MAN2A1: variants seen among roughly 807,000 people sequenced by gnomAD.
MAN2A1 encodes the protein alpha-mannosidase 2.
A neutral mutation model predicts 142.6 loss-of-function variants in MAN2A1; 76 were observed. The ratio of observed to expected loss-of-function variants is 0.53; its 90% CI spans 0.44 to 0.65. The LOEUF (loss-of-function observed/expected upper bound fraction) is 0.65. Among genes scored for constraint, MAN2A1 ranks in the 30% least tolerant of loss-of-function variants. The pLI, the probability that MAN2A1 is intolerant of heterozygous loss-of-function variation, is 0.00. For missense variants in MAN2A1, 1,311 were observed against 1,365.1 expected (o/e 0.96, Z 0.62); for synonymous variants, 559 against 473.2 (o/e 1.18, Z -2.35).
Position 109,820,378 on chromosome 5 carries a change from C to T in MAN2A1, c.2451+36C>T, listed in dbSNP as rs1409898029. On this transcript the variant is annotated intron_variant, in intron 15 of 21. Coordinates refer to ENST00000261483, the MANE Select transcript of MAN2A1 (RefSeq NM_002372.4). The stretch of plus-strand genomic sequence containing the variant: ...CTGATGAGATGACAAATGGAATAAA[C>T]ACTTATTGAAAGAGTATTGAGGAAA... 3.2e-6 allele frequency: 5 copies of T among 1,572,068 alleles called. No homozygotes were observed. The African/African-American group carries it at 5.5e-5, about 17-fold the overall frequency.
chr5:109,755,345 C>G lies in MAN2A1; in HGVS notation c.724C>G (p.Gln242Glu). The G allele has an allele frequency of 3.1e-6, 5 of 1,612,012 alleles. No individual in the cohort carries two copies. Among genetic ancestry groups the G allele is most frequent in the Non-Finnish European group, 4.2e-6 (5 of 1,178,346 alleles). The change falls in exon 5 of 22, where the codon CAG (glutamine) becomes GAG (glutamate). Residue 242 changes from glutamine (Q) to glutamate (E), a missense_variant. This residue lies in a region of MAN2A1 where 409 missense variants were observed against 412.7 expected (regional missense o/e 0.99). Coordinates refer to ENST00000261483, the MANE Select transcript of MAN2A1 (RefSeq NM_002372.4). ...DAVKSLIENGQLEIVTGGWVM... is the reference protein window; with the variant it reads ...DAVKSLIENGELEIVTGGWVM... ...TCTCTCTAGTTTAATAGAAAATGGTCAGCTTGAAATTGTGACAGGTGGCTG... is the reference window on the plus strand; with the variant it reads ...TCTCTCTAGTTTAATAGAAAATGGTGAGCTTGAAATTGTGACAGGTGGCTG...
At chr5:109,703,017 G>A (rs1224171403) in intron 1 of MAN2A1, among the ~76,000 whole-genome samples, 1 of 152,060 alleles carries the variant, frequency 6.6e-6, no homozygotes, top group Non-Finnish European at 1.5e-5. Context: ...GAAATAGAAG[G>A]GACTTATTCA....
At chr5:109,832,977 C>T (rs192838225) in intron 16 of MAN2A1, among the ~76,000 whole-genome samples, 7,633 of 151,562 alleles carry the variant, frequency 0.05, 272 homozygotes, top group Non-Finnish European at 0.07. Context: ...CACAGACACT[C>T]CTCAGTTCCC....
chr5:109,766,450 T>C (rs777190317), intron 5 of MAN2A1, among the ~76,000 whole-genome samples: 2 of 152,182 alleles, frequency 1.3e-5, no homozygotes, highest in African/African-American at 2.4e-5. Flanking sequence ...TTTGACTGTA[T>C]ACTCTTGGTC....
chr5:109,798,970 G>T (rs769993011), intron 12 of MAN2A1, among the ~76,000 whole-genome samples: 2 of 152,140 alleles, frequency 1.3e-5, no homozygotes, highest in Non-Finnish European at 1.5e-5. Context: ...GGGATTACAG[G>T]TGTGAGCCAT....
At chr5:109,776,069 CTTTTTT>C (rs35427592) in intron 8 of MAN2A1, among the ~76,000 whole-genome samples, 1 of 134,990 alleles carries the variant, frequency 7.4e-6, no homozygotes, top group East Asian at 2.2e-4. Flanking sequence ...CTTTTAAAGT[CTTTTTT>C]TTTTTTTTCT....
chr5:109,798,124 A>G (rs1345023508), intron 12 of MAN2A1, among the ~76,000 whole-genome samples: 1 of 152,240 alleles, frequency 6.6e-6, no homozygotes, highest in African/African-American at 2.4e-5. Flanking sequence ...TTATTGTCAA[A>G]CTAAAGGTAG....
chr5:109,856,960 A>G (rs1344401947), intron 20 of MAN2A1, among the ~76,000 whole-genome samples: 1 of 152,252 alleles, frequency 6.6e-6, no homozygotes, highest in Non-Finnish European at 1.5e-5. Context: ...GTAATATGTT[A>G]GATGGTGTTA....
intron 13 of MAN2A1, among the ~76,000 whole-genome samples, chr5:109,818,510 G>T (rs1331824081): frequency 1.3e-5 from 2 of 152,132 alleles, no homozygotes; most frequent in Non-Finnish European, 2.9e-5. Flanking sequence ...GAAAGCAGGG[G>T]TCATGTCTTA....
intron 16 of MAN2A1, among the ~76,000 whole-genome samples, chr5:109,824,059 T>C (rs1754698638): frequency 6.6e-6 from 1 of 152,226 alleles, no homozygotes; most frequent in Non-Finnish European, 1.5e-5. Flanking sequence ...TATCTTCTCT[T>C]AATTGTTGCC....
intron 21 of MAN2A1, among the ~76,000 whole-genome samples, chr5:109,865,602 T>A (rs1355274167): frequency 2.0e-5 from 3 of 152,204 alleles, no homozygotes; most frequent in Admixed American, 6.5e-5. Flanking sequence ...GCTAGTGGGA[T>A]AATCCACCCA....
At chr5:109,797,580 A>G (rs971455972) in intron 12 of MAN2A1, among the ~76,000 whole-genome samples, 14 of 152,206 alleles carry the variant, frequency 9.2e-5, no homozygotes, top group African/African-American at 3.4e-4. Flanking sequence ...TATGGAGGAC[A>G]AGATTCCAAC....
intron 1 of MAN2A1, among the ~76,000 whole-genome samples, chr5:109,709,864 G>A (rs1276413530): frequency 6.6e-6 from 1 of 152,144 alleles, no homozygotes; most frequent in Non-Finnish European, 1.5e-5. Context: ...TTGCCCTACA[G>A]AAAATTGTCT....
chr5:109,839,577 T>C (rs1755145646), intron 16 of MAN2A1, among the ~76,000 whole-genome samples: 1 of 149,658 alleles, frequency 6.7e-6, no homozygotes, highest in Non-Finnish European at 1.5e-5. Context: ...CTCAGGAGGC[T>C]GAAGTGGGAA....
chr5:109,820,403 A>G, intron 15 of MAN2A1, 61 bp downstream of exon 15: 6 of 1,464,660 alleles, frequency 4.1e-6, no homozygotes, highest in Non-Finnish European at 3.7e-6. Flanking sequence ...TATTGAGGAA[A>G]AAGATAAGTG....
At chr5:109,746,150 T>G (rs918128687) in intron 4 of MAN2A1, among the ~76,000 whole-genome samples, 1 of 152,120 alleles carries the variant, frequency 6.6e-6, no homozygotes, top group Non-Finnish European at 1.5e-5. Context: ...AATTTTTGTA[T>G]TTTTTGTGGA....
chr5:109,692,246 A>G (rs916086880), intron 1 of MAN2A1, among the ~76,000 whole-genome samples: 1 of 152,174 alleles, frequency 6.6e-6, no homozygotes, highest in African/African-American at 2.4e-5. Context: ...CCTCAATGAG[A>G]GGCTGAAGTT....
intron 1 of MAN2A1, among the ~76,000 whole-genome samples, chr5:109,705,851 T>G (rs150438275): frequency 4.6e-5 from 7 of 152,298 alleles, no homozygotes; most frequent in African/African-American, 7.2e-5. Flanking sequence ...AGCAATAGCA[T>G]CATTCTGATT....
intron 5 of MAN2A1, among the ~76,000 whole-genome samples, chr5:109,760,210 C>T (rs1222379148): frequency 6.6e-6 from 1 of 152,084 alleles, no homozygotes; most frequent in African/African-American, 2.4e-5. Context: ...TGTTCGACTC[C>T]CACTTATGAG....
Sources: gnomAD v4.1 joint callset for allele counts (sites outside exome capture counted in the v4.1 genomes callset) on GRCh38, gnomAD v4.1.1 for gene constraint, gnomAD v4.1.1 regional missense constraint, MANE v1.5 for transcripts, NCBI Gene and HGNC (gene_info 2026-07-23, HGNC 2026-07-21) for gene names.